Variants in BST1 observed in about 807,000 individuals in gnomAD.
BST1 encodes the protein ADP-ribosyl cyclase/cyclic ADP-ribose hydrolase 2.
A neutral mutation model predicts 40.6 loss-of-function variants in BST1; 49 were observed. The ratio of observed to expected loss-of-function variants is 1.21; its 90% CI spans 0.96 to 1.53. The LOEUF (loss-of-function observed/expected upper bound fraction) is 1.53, where lower values mean the gene tolerates loss of function less well. Ranked by LOEUF, BST1 falls within the 40% of genes most tolerant of loss-of-function variation. The pLI, the probability that BST1 is intolerant of heterozygous loss-of-function variation, is 0.00. For missense variants in BST1, 423 were observed against 395.9 expected, an observed-to-expected ratio of 1.07 and a Z score of -0.58; for synonymous variants, 157 against 159.3, an observed-to-expected ratio of 0.99 and a Z score of 0.11.
At chr4:15,708,330 T>G (rs1455545210) in intron 3 of BST1, among the ~76,000 whole-genome samples, 6 of 152,154 alleles carry the variant, frequency 3.9e-5, no homozygotes, top group African/African-American at 1.4e-4. Flanking sequence ...TTCATCCAAC[T>G]GTGGTGCTAG....
downstream of BST1, among the ~76,000 whole-genome samples, chr4:15,740,692 G>A (rs1721721854): frequency 2.0e-5 from 3 of 152,054 alleles, no homozygotes; most frequent in Admixed American, 6.6e-5. Flanking sequence ...GCAGAGCTGA[G>A]GATATTAAAA....
At chr4:15,771,492 A>AG in the BST1 span, among the ~76,000 whole-genome samples, 3 of 152,250 alleles carry the variant, frequency 2.0e-5, no homozygotes, top group Admixed American at 2.0e-4. Context: ...AAGGGGCTAT[A>AG]GGGTTCCTTT....
chr4:15,732,133 A>G lies in BST1; in HGVS notation c.*288A>G, dbSNP rs1721400216. On this transcript the variant is annotated 3_prime_UTR_variant, in exon 9 of 9. Transcript: ENST00000265016. ...GAGTCAGACTGCTTGTATATTATCA[A>G]ACATTTTAAGAGAATTCTAATAAAG... 8 of 1,138,610 alleles carry G rather than the reference A, an allele frequency of 7.0e-6. No homozygotes were observed. The highest frequency in any genetic ancestry group is 3.8e-4 in the Middle Eastern group (1 of 2,636). The allele number at this position is 1,138,610 out of a possible 1,614,324, so 70.5% of individuals were successfully genotyped here.
intron 2 of BST1, 82 bp from the exon 3 acceptor site, chr4:15,707,429 C>T (rs1185640754): frequency 6.4e-7 from 1 of 1,571,100 alleles, no homozygotes; most frequent in African/African-American, 1.4e-5. Context: ...CTGGATTGCC[C>T]AACTTGCCTT....
chr4:15,747,979 C>G, the BST1 span, among the ~76,000 whole-genome samples: 4 of 152,148 alleles, frequency 2.6e-5, no homozygotes, highest in Non-Finnish European at 4.4e-5. Flanking sequence ...GTCCAGCCAA[C>G]CTTATCTCAT....
the BST1 span, among the ~76,000 whole-genome samples, chr4:15,748,810 C>T: frequency 6.6e-6 from 1 of 152,196 alleles, no homozygotes. Context: ...CAGCTAATTC[C>T]ACATTCCTTA....
chr4:15,766,883 G>A, the BST1 span, among the ~76,000 whole-genome samples: 2 of 150,658 alleles, frequency 1.3e-5, no homozygotes, highest in Admixed American at 1.3e-4. Flanking sequence ...CAGAAGAAGT[G>A]TGAAGAAAAG....
Position 15,703,114 on chromosome 4 carries a change from A to G in BST1, c.-31A>G. On this transcript the variant is annotated 5_prime_UTR_variant, in exon 1 of 9. Transcript: ENST00000265016. Reference sequence around the variant, plus strand: ...AGAAGGAGAGAAGGGGAGTGGAGGAAGCACGGGACTGGAGGGACCAAAGTT... The same window carrying G: ...AGAAGGAGAGAAGGGGAGTGGAGGAGGCACGGGACTGGAGGGACCAAAGTT... The G allele has an allele frequency of 6.4e-7, 1 of 1,551,254 alleles. No homozygotes were observed.
chr4:15,715,275 C>G lies in BST1; in HGVS notation c.535-10C>G, dbSNP rs780511759. On this transcript the variant is annotated splice_polypyrimidine_tract_variant and intron_variant, in intron 4 of 8. Transcript: ENST00000265016. The stretch of plus-strand genomic sequence containing the variant: ...CTTTATTTGCTAAAAATACTTGGTT[C>G]TTCTCGTAGTATTCCAAGGATAGTT... 4.3e-6 allele frequency: 7 copies of G among 1,612,802 alleles called. No homozygotes were observed. The South Asian group carries it at 7.7e-5, about 18-fold the overall frequency.
At chr4:15,711,986 C>T in intron 4 of BST1, 97 bp downstream of exon 4, 1 of 961,106 alleles carries the variant, frequency 1.0e-6, no homozygotes, top group Non-Finnish European at 1.6e-6. Context: ...CATCACTCAA[C>T]TTCTCTGAGC....
the BST1 span, among the ~76,000 whole-genome samples, chr4:15,754,151 G>C: frequency 1.3e-5 from 2 of 152,176 alleles, no homozygotes; most frequent in African/African-American, 2.4e-5. Flanking sequence ...AACCACGATG[G>C]AGGCCTGTGG....
downstream of BST1, chr4:15,737,719 C>CT (rs898063060): frequency 1.0e-5 from 12 of 1,164,268 alleles, no homozygotes; most frequent in Non-Finnish European, 1.4e-5. Context: ...TACCAGGTAC[C>CT]TTACACTTGG....
chr4:15,729,760 G>A (rs1355109522), intron 8 of BST1, among the ~76,000 whole-genome samples: 1 of 152,152 alleles, frequency 6.6e-6, no homozygotes, highest in Non-Finnish European at 1.5e-5. Flanking sequence ...AGAAACCAAT[G>A]CACAGAACAT....
chr4:15,708,462 C>G (rs1323744468), intron 3 of BST1, among the ~76,000 whole-genome samples: 1 of 152,070 alleles, frequency 6.6e-6, no homozygotes, highest in Non-Finnish European at 1.5e-5. Context: ...GAGTGAGACA[C>G]CAGCCTCCAC....
At chr4:15,705,297 C>T (rs55735476) in intron 1 of BST1, among the ~76,000 whole-genome samples, 13,678 of 151,902 alleles carry the variant, frequency 0.09, 777 homozygotes, top group Non-Finnish European at 0.13. Flanking sequence ...TATTCCTTAG[C>T]TCTGAGAAAT....
At chr4:15,755,212 C>T in the BST1 span, among the ~76,000 whole-genome samples, 10 of 152,264 alleles carry the variant, frequency 6.6e-5, no homozygotes, top group Middle Eastern at 3.4e-3. Flanking sequence ...AATCTCAGCT[C>T]ACTGCAACCT....
intron 8 of BST1, among the ~76,000 whole-genome samples, chr4:15,729,994 A>G (rs1297027748): frequency 1.3e-5 from 2 of 152,236 alleles, no homozygotes; most frequent in East Asian, 3.8e-4. Context: ...GTAAAGAAAA[A>G]TGTAACCTTA....
At chr4:15,744,145 A>G in the BST1 span, among the ~76,000 whole-genome samples, 1 of 152,228 alleles carries the variant, frequency 6.6e-6, no homozygotes, top group Non-Finnish European at 1.5e-5. Context: ...GCTGAATTTA[A>G]GTGAAAAGAA....
At chr4:15,708,065 C>G (rs887764921) in intron 3 of BST1, among the ~76,000 whole-genome samples, 2 of 152,064 alleles carry the variant, frequency 1.3e-5, no homozygotes, top group African/African-American at 2.4e-5. Flanking sequence ...AGCAGACAGT[C>G]TGACTCCAGA....
Sources: allele counts gnomAD v4.1 joint callset (sites outside exome capture counted in the v4.1 genomes callset), GRCh38; gene constraint gnomAD v4.1.1; transcripts MANE v1.5; gene names NCBI Gene and HGNC (gene_info 2026-07-23, HGNC 2026-07-21).